The following GSE1 variants were observed in gnomAD, a reference collection of about 807,000 sequenced individuals.
GSE1 encodes the protein genetic suppressor element 1.
A neutral mutation model predicts 112.6 loss-of-function variants in GSE1; 32 were observed. The ratio of observed to expected loss-of-function variants is 0.28; its 90% CI spans 0.21 to 0.38. The LOEUF (loss-of-function observed/expected upper bound fraction) is 0.38. GSE1 is among the 10% of genes least tolerant of loss of function. GSE1 has a pLI of 1.00. For synonymous variants in GSE1, 1,115 were observed against 735.6 expected, an observed-to-expected ratio of 1.52 and a Z score of -8.35; for missense variants, 2,348 against 1,699.2, an observed-to-expected ratio of 1.38 and a Z score of -6.71.
At chr16:85,590,080 GGT>G (rs571278780) in intron 1 of GSE1, among the ~76,000 whole-genome samples, 4 of 152,076 alleles carry the variant, frequency 2.6e-5, no homozygotes, top group South Asian at 4.1e-4. Context: ...TGATTGTGAA[GGT>G]GTGTGTGAGG....
intron 1 of GSE1, among the ~76,000 whole-genome samples, chr16:85,588,508 C>A (rs1462674672): frequency 6.6e-6 from 1 of 152,192 alleles, no homozygotes; most frequent in Non-Finnish European, 1.5e-5. Flanking sequence ...GACATACAAC[C>A]CCGGCCAGTG....
intron 1 of GSE1, among the ~76,000 whole-genome samples, chr16:85,261,550 C>T (rs898447368): frequency 1.3e-5 from 2 of 152,172 alleles, no homozygotes; most frequent in African/African-American, 2.4e-5. Context: ...ACGGGGGCCT[C>T]GTGGGAGAGG....
chr16:85,205,257 G>A (rs539872293), intron 1 of GSE1, among the ~76,000 whole-genome samples: 34 of 152,056 alleles, frequency 2.2e-4, no homozygotes, highest in South Asian at 4.2e-4. Context: ...TCAACCTCCC[G>A]AGTAGCTGGA....
intron 1 of GSE1, among the ~76,000 whole-genome samples, chr16:85,236,323 A>T (rs1186668253): frequency 1.3e-5 from 2 of 152,122 alleles, no homozygotes; most frequent in African/African-American, 4.8e-5. Context: ...GTAAAAGTCA[A>T]ATAAGGATCT....
chr16:85,174,161 T>A (rs573137633), intron 1 of GSE1, among the ~76,000 whole-genome samples: 1 of 152,248 alleles, frequency 6.6e-6, no homozygotes, highest in African/African-American at 2.4e-5. Context: ...GGTGACCTGT[T>A]CAGCCTCCGT....
At chr16:85,634,862 T>C (rs2049853561) in intron 2 of GSE1, among the ~76,000 whole-genome samples, 1 of 151,986 alleles carries the variant, frequency 6.6e-6, no homozygotes, top group South Asian at 2.1e-4. Context: ...CTGGCACAAA[T>C]GGGGAGGGGC....
intron 3 of GSE1, among the ~76,000 whole-genome samples, chr16:85,652,438 T>C (rs1197908286): frequency 3.9e-5 from 6 of 152,128 alleles, no homozygotes; most frequent in Non-Finnish European, 7.4e-5. Flanking sequence ...ACCAGCACCC[T>C]GGAGAGGCAG....
chr16:85,647,423 G>A (rs1276125070), intron 2 of GSE1, among the ~76,000 whole-genome samples: 4 of 152,208 alleles, frequency 2.6e-5, no homozygotes, highest in Non-Finnish European at 5.9e-5. Flanking sequence ...TACCCTTAAA[G>A]ATGGTGAATT....
intron 1 of GSE1, among the ~76,000 whole-genome samples, chr16:85,178,328 T>C (rs895043515): frequency 1.3e-5 from 2 of 151,856 alleles, no homozygotes; most frequent in Non-Finnish European, 2.9e-5. Flanking sequence ...TGGGGGGTAA[T>C]GTGCTGGCGA....
At chr16:85,342,917 G>A (rs1457720690) in intron 1 of GSE1, among the ~76,000 whole-genome samples, 1 of 151,444 alleles carries the variant, frequency 6.6e-6, no homozygotes, top group Non-Finnish European at 1.5e-5. Context: ...TGAAGAGGGG[G>A]TGCCGCTGAA....
chr16:85,388,644 GTGGA>G (rs113197005), intron 2 of GSE1, among the ~76,000 whole-genome samples: 2,995 of 149,018 alleles, frequency 0.02, 47 homozygotes, highest in African/African-American at 0.041. Context: ...AGGTGTGTGG[GTGGA>G]TGGATGGATG....
chr16:85,286,918 C>G (rs903422262), intron 1 of GSE1, among the ~76,000 whole-genome samples: 12 of 152,332 alleles, frequency 7.9e-5, no homozygotes, highest in African/African-American at 2.6e-4. Context: ...GGGTCGGAAG[C>G]AGCTCTGGTG....
chr16:85,181,719 C>T (rs1329119492), intron 1 of GSE1, among the ~76,000 whole-genome samples: 1 of 152,142 alleles, frequency 6.6e-6, no homozygotes, highest in Non-Finnish European at 1.5e-5. Flanking sequence ...TGAAAAGTGG[C>T]GTGGGGCCTC....
At chr16:85,473,238 G>T (rs1015894532) in intron 2 of GSE1, among the ~76,000 whole-genome samples, 2 of 152,358 alleles carry the variant, frequency 1.3e-5, no homozygotes, top group East Asian at 3.9e-4. Flanking sequence ...TCCCTGGCCT[G>T]GGGAGCTTGT....
At chr16:85,466,845 G>A (rs941799831) in intron 2 of GSE1, among the ~76,000 whole-genome samples, 2 of 152,086 alleles carry the variant, frequency 1.3e-5, no homozygotes, top group East Asian at 3.9e-4. Context: ...AGATCACTTG[G>A]GGTGAGGAGT....
chr16:85,222,109 A>G (rs540283624), intron 1 of GSE1, among the ~76,000 whole-genome samples: 33 of 152,122 alleles, frequency 2.2e-4, no homozygotes, highest in African/African-American at 6.7e-4. Context: ...TCTGGGCCAC[A>G]TCTATTCCAC....
Position 85,648,603 on chromosome 16 carries a change from A to G in GSE1, c.278A>G (p.His93Arg), listed in dbSNP as rs2051077203. The change falls in exon 3 of 16, where the codon CAC (histidine) becomes CGC (arginine). Residue 93 changes from histidine (H) to arginine (R), a missense_variant. His to Arg is a conservative substitution (Grantham distance 29, BLOSUM62 0). Coordinates refer to ENST00000253458, the MANE Select transcript of GSE1 (RefSeq NM_014615.5). Reference protein sequence around the residue: ...SSPVSSPATNHSSPASTPKRV... With the variant: ...SSPVSSPATNRSSPASTPKRV... ...CCCGTGTCCTCTCCGGCCACCAACC[A>G]CAGCTCCCCCGCCAGCACACCCAAG... 2 of 1,604,406 alleles carry G rather than the reference A, an allele frequency of 1.2e-6. No individual in the cohort carries two copies. The highest frequency in any genetic ancestry group is 1.7e-6 in the Non-Finnish European group (2 of 1,175,560).
chr16:85,290,735 C>T (rs1465858444), intron 1 of GSE1, among the ~76,000 whole-genome samples: 2 of 152,112 alleles, frequency 1.3e-5, no homozygotes, highest in East Asian at 1.9e-4. Context: ...AGGAGATGGC[C>T]ACCCACGAGC....
Position 85,536,918 on chromosome 16 carries a change from C to T in GSE1, c.2465-96996C>T, listed in dbSNP as rs570185491. ...GAATGGAACCGGCGAGGAATGGTGA[C>T]CCTGTGCATGGGACACATGCCCCTG... is the stretch of plus-strand genomic sequence containing the variant. On this transcript the variant is annotated intron_variant, in intron 2 of 2. Coordinates refer to the GSE1 transcript ENST00000637419. Among the ~76,000 whole-genome samples, 3 of 152,342 alleles carry T rather than the reference C, an allele frequency of 2.0e-5. No homozygotes were observed. The South Asian group carries it at 6.2e-4, about 32-fold the overall frequency.
Sources: gnomAD v4.1 joint callset for allele counts (sites outside exome capture counted in the v4.1 genomes callset) on GRCh38, gnomAD v4.1.1 for gene constraint, MANE v1.5 for transcripts, NCBI Gene and HGNC (gene_info 2026-07-23, HGNC 2026-07-21) for gene names.